TDRD7: variants seen among roughly 807,000 people sequenced by gnomAD.
TDRD7 encodes tudor domain containing 7.
A neutral mutation model predicts 109.8 loss-of-function variants in TDRD7; 47 were observed. That is an observed-to-expected ratio of 0.43 (90% CI 0.34 to 0.55). The LOEUF (loss-of-function observed/expected upper bound fraction) is 0.55, where lower values mean the gene tolerates loss of function less well. Ranked by LOEUF, TDRD7 falls within the 20% of genes least tolerant of loss-of-function variation. The probability of loss-of-function intolerance (pLI) is 0.03; values close to 1 mark genes in which losing one functional copy is unlikely to be tolerated. For synonymous variants in TDRD7, 424 were observed against 457.3 expected (o/e 0.93, Z 0.93); for missense variants, 1,164 against 1,319.2 (o/e 0.88, Z 1.82).
intron 7 of TDRD7, among the ~76,000 whole-genome samples, chr9:97,461,350 C>T (rs1296396603): frequency 2.0e-5 from 3 of 152,018 alleles, no homozygotes; most frequent in East Asian, 1.9e-4. Flanking sequence ...ATACCTAGTT[C>T]GCAGAAAAGG....
intron 1 of TDRD7, among the ~76,000 whole-genome samples, chr9:97,420,419 A>T (rs1827880827): frequency 6.6e-6 from 1 of 151,890 alleles, no homozygotes; most frequent in South Asian, 2.1e-4. Flanking sequence ...TACATGCAGT[A>T]AAAATCCCTC....
rs1252215945 is a variant in TDRD7 at position 97,432,230 on chromosome 9, C to A, written c.555C>A (p.Thr185=). Residue 185 remains threonine (T), a synonymous_variant, in exon 4 of 17, where the codon ACC becomes ACA. Transcript: ENST00000355295. The part of the protein sequence containing the change: ...IPVQRHVTMS[T]NNRFSPKASL... ...TGCAAAGGCATGTGACCATGTCCAC[C>A]AACAACAGGTATTTGGCCTCTGACT... 2.5e-6 allele frequency: 4 copies of A among 1,613,424 alleles called. No individual in the cohort carries two copies. The highest frequency in any genetic ancestry group is 3.4e-6 in the Non-Finnish European group (4 of 1,179,620).
At chr9:97,425,646 G>A (rs974859349) in intron 1 of TDRD7, among the ~76,000 whole-genome samples, 9 of 152,080 alleles carry the variant, frequency 5.9e-5, no homozygotes, top group East Asian at 1.9e-4. Context: ...TCTGTGAAAA[G>A]AATAAGAATA....
intron 2 of TDRD7, among the ~76,000 whole-genome samples, chr9:97,430,142 G>A (rs1828075228): frequency 2.0e-5 from 3 of 152,282 alleles, no homozygotes; most frequent in Admixed American, 1.3e-4. Flanking sequence ...ACACAGGTCT[G>A]TAGAGAGCAT....
At chr9:97,455,541 A>G (rs1313632079) in intron 6 of TDRD7, among the ~76,000 whole-genome samples, 1 of 152,222 alleles carries the variant, frequency 6.6e-6, no homozygotes, top group Non-Finnish European at 1.5e-5. Flanking sequence ...AGTAAATGTA[A>G]TCCATCACAT....
chr9:97,420,100 T>C (rs1327399710), intron 1 of TDRD7, among the ~76,000 whole-genome samples: 2 of 152,098 alleles, frequency 1.3e-5, no homozygotes, highest in Non-Finnish European at 2.9e-5. Flanking sequence ...ATTTATAATA[T>C]CTCAAAATTG....
chr9:97,493,729 C>T (rs111970837), intron 16 of TDRD7, among the ~76,000 whole-genome samples: 8 of 152,162 alleles, frequency 5.3e-5, no homozygotes, highest in African/African-American at 1.4e-4. Context: ...AAGACGGCCG[C>T]ACCCGAAGCG....
At chr9:97,413,728 G>C (rs1331091939) in intron 1 of TDRD7, among the ~76,000 whole-genome samples, 2 of 152,340 alleles carry the variant, frequency 1.3e-5, no homozygotes, top group East Asian at 3.9e-4. Flanking sequence ...CCCCAATCCA[G>C]GGCCCTTTGG....
chr9:97,477,860 A>G (rs984133228), intron 12 of TDRD7, among the ~76,000 whole-genome samples: 4 of 152,198 alleles, frequency 2.6e-5, no homozygotes, highest in Non-Finnish European at 4.4e-5. Flanking sequence ...ATCACGTCCT[A>G]GAATTGGAGA....
intron 4 of TDRD7, among the ~76,000 whole-genome samples, chr9:97,434,568 G>A (rs1199311997): frequency 3.3e-5 from 5 of 152,052 alleles, no homozygotes; most frequent in Admixed American, 1.3e-4. Context: ...CAGTGTACAC[G>A]TATCAAAATA....
At chr9:97,436,893 A>G (rs918748244) in intron 4 of TDRD7, among the ~76,000 whole-genome samples, 8 of 152,170 alleles carry the variant, frequency 5.3e-5, no homozygotes, top group African/African-American at 1.7e-4. Context: ...CTTTCCATTC[A>G]GAATAATTGA....
chr9:97,443,159 G>A (rs1587869265), intron 6 of TDRD7, among the ~76,000 whole-genome samples: 1 of 152,090 alleles, frequency 6.6e-6, no homozygotes, highest in South Asian at 2.1e-4. Flanking sequence ...CTTAGAGACT[G>A]GTGTCATTCA....
chr9:97,492,323 A>G (rs186052731), intron 16 of TDRD7, among the ~76,000 whole-genome samples: 1 of 152,330 alleles, frequency 6.6e-6, no homozygotes, highest in African/African-American at 2.4e-5. Context: ...TATAACTGTT[A>G]TACACATCAG....
chr9:97,487,766 C>T (rs766514616), intron 16 of TDRD7, among the ~76,000 whole-genome samples: 6 of 151,792 alleles, frequency 4.0e-5, no homozygotes, highest in Non-Finnish European at 7.4e-5. Context: ...CAAGAAAAAC[C>T]CTGCATCTTT....
intron 6 of TDRD7, among the ~76,000 whole-genome samples, chr9:97,455,561 C>A (rs1280013881): frequency 1.3e-5 from 2 of 152,066 alleles, no homozygotes; most frequent in African/African-American, 4.8e-5. Flanking sequence ...TAAACAGAAC[C>A]AAAGACAAAA....
At chr9:97,432,708 A>G (rs893746350) in intron 4 of TDRD7, among the ~76,000 whole-genome samples, 1 of 152,176 alleles carries the variant, frequency 6.6e-6, no homozygotes, top group Non-Finnish European at 1.5e-5. Context: ...GCCATTCACT[A>G]GTCAGGTAAA....
In TDRD7 at chr9:97,441,818, A is replaced by G; in HGVS notation, c.798A>G (p.Lys266=). The change falls in exon 6 of 17, where the codon AAA becomes AAG. Residue 266 remains lysine (K), a synonymous_variant. Transcript: ENST00000355295. ...KLPHFYKELY[K]EDLNQGILQQ... ...CACATTTTTACAAAGAGTTATATAAAGAAGACCTTAATCAAGGAATTTTAC... is the reference window on the plus strand; with the variant it reads ...CACATTTTTACAAAGAGTTATATAAGGAAGACCTTAATCAAGGAATTTTAC... 1 of 1,613,848 alleles carries G rather than the reference A, an allele frequency of 6.2e-7. No individual in the cohort carries two copies. Among genetic ancestry groups the G allele is most frequent in the South Asian group, 1.1e-5 (1 of 91,076 alleles).
chr9:97,459,760 A>G (rs1465363453), intron 6 of TDRD7, among the ~76,000 whole-genome samples: 1 of 152,102 alleles, frequency 6.6e-6, no homozygotes, highest in Non-Finnish European at 1.5e-5. Flanking sequence ...TGGCACTCCT[A>G]TTTTTTCTAA....
intron 12 of TDRD7, among the ~76,000 whole-genome samples, chr9:97,477,821 T>A (rs1297388126): frequency 2.0e-5 from 3 of 152,186 alleles, no homozygotes; most frequent in African/African-American, 7.2e-5. Flanking sequence ...CAGCAATATA[T>A]AATAATGTAT....
Sources: allele counts gnomAD v4.1 joint callset (sites outside exome capture counted in the v4.1 genomes callset), GRCh38; gene constraint gnomAD v4.1.1; transcripts MANE v1.5; gene names NCBI Gene and HGNC (gene_info 2026-07-23, HGNC 2026-07-21).